Variants in COL13A1 observed in about 807,000 individuals in gnomAD.
COL13A1 encodes the protein collagen type XIII alpha 1 chain.
In COL13A1, 89 loss-of-function variants were observed where a neutral mutation model predicts 130.9. The observed-to-expected ratio is 0.68, with a 90% CI of 0.57 to 0.81. COL13A1 has a LOEUF of 0.81. Ranked by LOEUF, COL13A1 falls within the 30% of genes least tolerant of loss-of-function variation. The probability of loss-of-function intolerance (pLI) is 0.00; values close to 1 mark genes in which losing one functional copy is unlikely to be tolerated. For missense variants in COL13A1, 879 were observed against 934.6 expected (o/e 0.94, Z 0.78); for synonymous variants, 402 against 341.6 (o/e 1.18, Z -1.95).
chr10:69,867,776 G>C lies in COL13A1; in HGVS notation c.365-22G>C, dbSNP rs1027525394. The stretch of plus-strand genomic sequence containing the variant: ...CCCTACAGCAATGACACTGACCCAG[G>C]CATTTTCTCTCTCTCTTTCAGGACC... On this transcript the variant is annotated intron_variant, in intron 2 of 40. Transcript: ENST00000645393. 1.3e-5 allele frequency: 9 copies of C among 718,360 alleles called. No homozygotes were observed. In the Admixed American group the frequency reaches 1.4e-4, roughly 11 times the overall value. The allele number at this position is 718,360 out of a possible 1,614,324, so 44.5% of individuals were successfully genotyped here. A position where few individuals can be genotyped will look rare whatever the true frequency, so the allele number is the denominator to read the frequency against.
chr10:69,898,073 C>T (rs562804875), intron 13 of COL13A1, among the ~76,000 whole-genome samples: 8 of 152,320 alleles, frequency 5.3e-5, no homozygotes, highest in Admixed American at 3.9e-4. Flanking sequence ...CTGGCCTCAC[C>T]CTCAGCCAGC....
chr10:69,924,630 T>C (rs911287381), intron 24 of COL13A1, among the ~76,000 whole-genome samples: 7 of 151,680 alleles, frequency 4.6e-5, no homozygotes, highest in Non-Finnish European at 1.0e-4. Flanking sequence ...CAGGATGGAA[T>C]TAAAGAGAAG....
At chr10:69,905,009 A>T in intron 16 of COL13A1, 50 bp downstream of exon 16, 1 of 1,541,618 alleles carries the variant, frequency 6.5e-7, no homozygotes, top group South Asian at 1.2e-5. Flanking sequence ...AATTCCCTGC[A>T]GGAGGGAGGG....
At chr10:69,928,852 G>A (rs894744488) in intron 27 of COL13A1, 85 bp from the exon 28 acceptor site, 12 of 976,776 alleles carry the variant, frequency 1.2e-5, no homozygotes, top group Non-Finnish European at 1.6e-5. Context: ...ATCTGTACAA[G>A]CCAGCCTCCA....
In COL13A1 at chr10:69,851,651, GTTTGT is replaced by G. The variant is rs576424493; in HGVS notation, c.365-16133_365-16129del. On this transcript the variant is annotated intron_variant, in intron 2 of 40. Transcript: ENST00000645393. ...CCATTTTATTGTGGTTTTTTGTTTT[GTTTGT>G]TTTGTTTTGTTTTTTTGAGATGGAG... Among the ~76,000 whole-genome samples the G allele has an allele frequency of 8.0e-4, 122 of 151,868 alleles. 1 individual carries two copies. The highest frequency in any genetic ancestry group is 2.6e-3 in the African/African-American group (106 of 41,310).
intron 15 of COL13A1, 69 bp from the exon 16 acceptor site, chr10:69,904,864 T>C: frequency 6.6e-7 from 1 of 1,515,842 alleles, no homozygotes; most frequent in Non-Finnish European, 8.9e-7. Context: ...CTACTGTAAG[T>C]ATGGCTAGCC....
At chr10:69,941,154 G>T in intron 35 of COL13A1, 131 bp downstream of exon 35, 2 of 1,472,738 alleles carry the variant, frequency 1.4e-6, no homozygotes, top group South Asian at 1.2e-5. Flanking sequence ...ACACCAGAAA[G>T]GTGCCACTGA....
chr10:69,899,309 G>A (rs1386468520), intron 14 of COL13A1, among the ~76,000 whole-genome samples: 1 of 152,240 alleles, frequency 6.6e-6, no homozygotes, highest in African/African-American at 2.4e-5. Flanking sequence ...ATTTGGAATA[G>A]TTCCTGGCAC....
rs571957747 is a variant in COL13A1 at position 69,906,952 on chromosome 10, G to T, written c.921+1130G>T. 1.6e-4 allele frequency among the ~76,000 whole-genome samples: 24 copies of T among 152,096 alleles called. No homozygotes were observed. In the South Asian group the frequency reaches 5.0e-3, roughly 32 times the overall value. ...CACCATGTTGGCCAGGATGGTCTCG[G>T]TCTCTTGACCTCATGATCTGCCCAC... On this transcript the variant is annotated intron_variant, in intron 17 of 40. Coordinates refer to ENST00000645393, the MANE Select transcript of COL13A1 (RefSeq NM_001368882.1).
chr10:69,954,488 C>T (rs1444465551), intron 39 of COL13A1, among the ~76,000 whole-genome samples: 2 of 152,316 alleles, frequency 1.3e-5, no homozygotes, highest in African/African-American at 4.8e-5. Flanking sequence ...GAGCACCTAG[C>T]GAAACATGTG....
chr10:69,808,202 A>G (rs1367259678), intron 1 of COL13A1, among the ~76,000 whole-genome samples: 1 of 152,164 alleles, frequency 6.6e-6, no homozygotes, highest in East Asian at 1.9e-4. Context: ...GGGAAAACCA[A>G]AAGCATCTCA....
intron 3 of COL13A1, among the ~76,000 whole-genome samples, chr10:69,868,123 A>C (rs2058708470): frequency 2.0e-5 from 1 of 49,476 alleles, no homozygotes; most frequent in Admixed American, 2.1e-4. Flanking sequence ...TGGAGTCAAA[A>C]AAAAAAAAAA....
rs78160146 is a variant in COL13A1 at position 69,956,997 on chromosome 10, C to T, written c.2146-7C>T. ...TCTGAGCCCTCTGCCTTCCTTTCTCCTTGCAGGGCGAAGATGGCTTACCAG... is the reference window on the plus strand; with the variant it reads ...TCTGAGCCCTCTGCCTTCCTTTCTCTTTGCAGGGCGAAGATGGCTTACCAG... On this transcript the variant is annotated splice_region_variant and splice_polypyrimidine_tract_variant and intron_variant, in intron 39 of 40. Transcript: ENST00000645393. 0.015 allele frequency: 24,930 copies of T among 1,613,346 alleles called. 356 individuals carry two copies. The highest frequency in any genetic ancestry group is 0.063 in the South Asian group (5,699 of 91,060).
chr10:69,875,996 G>A (rs758547111), intron 5 of COL13A1, among the ~76,000 whole-genome samples: 1 of 152,264 alleles, frequency 6.6e-6, no homozygotes, highest in Non-Finnish European at 1.5e-5. Context: ...GGGATTGGCT[G>A]TAGGAGTGGG....
chr10:69,951,967 G>A (rs1347134970), intron 38 of COL13A1, among the ~76,000 whole-genome samples: 3 of 152,210 alleles, frequency 2.0e-5, no homozygotes, highest in Non-Finnish European at 4.4e-5. Flanking sequence ...ATTCATTACA[G>A]AAGTGATGCT....
At chr10:69,840,451 C>T (rs924829558) in intron 2 of COL13A1, among the ~76,000 whole-genome samples, 1 of 152,222 alleles carries the variant, frequency 6.6e-6, no homozygotes, top group African/African-American at 2.4e-5. Flanking sequence ...ATGGAGGAGG[C>T]AGAGCCTGTG....
At chr10:69,866,470 C>T (rs1053479697) in intron 2 of COL13A1, among the ~76,000 whole-genome samples, 3 of 152,200 alleles carry the variant, frequency 2.0e-5, no homozygotes, top group African/African-American at 7.2e-5. Context: ...CACAGATTTC[C>T]CAGCTAAGCT....
At chr10:69,946,533 G>A (rs938698363) in intron 37 of COL13A1, among the ~76,000 whole-genome samples, 2 of 152,216 alleles carry the variant, frequency 1.3e-5, no homozygotes, top group African/African-American at 2.4e-5. Flanking sequence ...GGCCAGGTAC[G>A]CACATCTGGG....
intron 21 of COL13A1, 121 bp from the exon 22 acceptor site, chr10:69,921,759 TGG>T: frequency 7.7e-7 from 1 of 1,295,350 alleles, no homozygotes; most frequent in Non-Finnish European, 1.1e-6. Flanking sequence ...GAAAGCCAGC[TGG>T]GGGCAGGGGC....
Sources: gnomAD v4.1 joint callset for allele counts (sites outside exome capture counted in the v4.1 genomes callset) on GRCh38, gnomAD v4.1.1 for gene constraint, MANE v1.5 for transcripts, NCBI Gene and HGNC (gene_info 2026-07-23, HGNC 2026-07-21) for gene names.